TRAK1: variants seen among roughly 807,000 people sequenced by gnomAD.
TRAK1 encodes trafficking kinesin-binding protein 1.
TRAK1 carries 33 observed loss-of-function variants against 92.1 expected under a neutral mutation model. That is an observed-to-expected ratio of 0.36 (90% CI 0.27 to 0.48). The LOEUF (loss-of-function observed/expected upper bound fraction) is 0.48, where lower values mean the gene tolerates loss of function less well. Among genes scored for constraint, TRAK1 ranks in the 20% least tolerant of loss-of-function variants. The probability of loss-of-function intolerance (pLI) is 0.99; values close to 1 mark genes in which losing one functional copy is unlikely to be tolerated. For synonymous variants in TRAK1, 521 were observed against 517.3 expected, an observed-to-expected ratio of 1.01 and a Z score of -0.10; for missense variants, 1,123 against 1,257.9, an observed-to-expected ratio of 0.89 and a Z score of 1.62.
At chr3:42,071,896 A>C (rs1300303128) in intron 1 of TRAK1, among the ~76,000 whole-genome samples, 2 of 152,172 alleles carry the variant, frequency 1.3e-5, no homozygotes, top group Non-Finnish European at 2.9e-5. Context: ...CAGATTTCCA[A>C]CAGGGATTTG....
intron 1 of TRAK1, among the ~76,000 whole-genome samples, chr3:42,068,324 CT>C (rs1703769008): frequency 6.6e-6 from 1 of 152,070 alleles, no homozygotes; most frequent in African/African-American, 2.4e-5. Context: ...GTCCAGCTAA[CT>C]TTTTTTCTTT....
chr3:42,055,267 A>G (rs770349451), intron 1 of TRAK1, among the ~76,000 whole-genome samples: 1 of 152,150 alleles, frequency 6.6e-6, no homozygotes, highest in Non-Finnish European at 1.5e-5. Context: ...CAAGGATACA[A>G]AATAGTTCTG....
At chr3:42,151,306 G>T (rs1699920173) in intron 2 of TRAK1, 3 of 455,930 alleles carry the variant, frequency 6.6e-6, no homozygotes, top group South Asian at 4.7e-5. Flanking sequence ...TCTTATCTGG[G>T]TATCCATCAG....
At chr3:42,031,895 C>T (rs886251570) in intron 1 of TRAK1, among the ~76,000 whole-genome samples, 1 of 152,070 alleles carries the variant, frequency 6.6e-6, no homozygotes, top group Non-Finnish European at 1.5e-5. Context: ...ATCCAAGGCT[C>T]ATCATTATCA....
chr3:42,058,264 A>G (rs935621396), intron 1 of TRAK1, among the ~76,000 whole-genome samples: 2 of 152,188 alleles, frequency 1.3e-5, no homozygotes, highest in Non-Finnish European at 2.9e-5. Context: ...TTTGCCTTTA[A>G]ATTTCATTTT....
rs768671921 is a variant in TRAK1, at chr3:42,202,865, C to T, written c.1744+113C>T. ...GTCACGCCTACTCCTTTTTCTTCCG[C>T]GACAGCCACCCGCGCTGCTGGTTTG... is the stretch of plus-strand genomic sequence containing the variant. On this transcript the variant is annotated intron_variant, in intron 13 of 15. Coordinates refer to ENST00000327628, the MANE Select transcript of TRAK1 (RefSeq NM_001042646.3). This position sits in a 1 kb window ranked among gnomAD's most constrained non-coding sequence, Gnocchi z 6.1. The T allele has an allele frequency of 2.3e-5, 35 of 1,492,646 alleles. No individual in the cohort carries two copies. In the African/African-American group the frequency reaches 2.5e-4, roughly 11 times the overall value. 92.5% of individuals were successfully genotyped at this position (1,492,646 alleles called of 1,614,324 possible).
At chr3:42,015,414 G>T (rs1316608049) in intron 1 of TRAK1, among the ~76,000 whole-genome samples, 1 of 151,990 alleles carries the variant, frequency 6.6e-6, no homozygotes, top group Admixed American at 6.6e-5. Flanking sequence ...CCCAGCGCTC[G>T]CTTGAGGGTG....
chr3:42,184,092 C>G lies in TRAK1; in HGVS notation c.364-593C>G, dbSNP rs959674090. ...TTAAATGAAACCTAAGTAGCCTTTT[C>G]TAAGTAAAAAAACAGAAAAGCATGT... On this transcript the variant is annotated intron_variant, in intron 3 of 15. Coordinates refer to ENST00000327628, the MANE Select transcript of TRAK1 (RefSeq NM_001042646.3). Among the ~76,000 whole-genome samples the G allele has an allele frequency of 6.7e-5, 10 of 150,068 alleles. 1 individual carries two copies. The highest frequency in any genetic ancestry group is 1.7e-4 in the African/African-American group (7 of 41,258).
intron 1 of TRAK1, among the ~76,000 whole-genome samples, chr3:42,042,431 G>A (rs1327978199): frequency 6.6e-6 from 1 of 152,028 alleles, no homozygotes; most frequent in African/African-American, 2.4e-5. Context: ...GAGTGCAGTG[G>A]TGCAGTCTCA....
At chr3:42,219,395 C>T in intron 14 of TRAK1, 99 bp from the exon 15 acceptor site, 2 of 1,599,888 alleles carry the variant, frequency 1.3e-6, no homozygotes, top group Non-Finnish European at 1.7e-6. Context: ...AACAAGGTAG[C>T]TCATCACTTC....
In TRAK1 at chr3:42,016,032, A is replaced by G. The variant is rs148531419; in HGVS notation, c.-519+1915A>G. On this transcript the variant is annotated intron_variant, in intron 1 of 16. Coordinates refer to the TRAK1 transcript ENST00000487159. ...AGCCAGGGCGACAGAGCAAGACCCC[A>G]TCTCAAAAACAAAAACAAAAACAAA... 5.7e-4 allele frequency among the ~76,000 whole-genome samples: 87 copies of G among 152,180 alleles called. No homozygotes were observed. The East Asian group carries it at 7.0e-3, about 12-fold the overall frequency.
At position 42,184,715 on chromosome 3, in the gene TRAK1, A is replaced by T. The variant is rs993673811; in HGVS notation, c.394A>T (p.Ile132Phe). Residue 132 changes from isoleucine to phenylalanine, a missense_variant, in exon 4 of 16, where the codon ATC (isoleucine) becomes TTC (phenylalanine). Around this residue, in one of 3 missense-constraint regions of TRAK1, gnomAD observed 686 missense variants for 747.6 expected, o/e 0.92. Transcript: ENST00000327628. ...KERDLELAAR[I>F]GQSLLKKNKT... is the part of the protein sequence containing the mutation. The stretch of plus-strand genomic sequence containing the variant: ...GCGGGATTTAGAATTGGCCGCTCGC[A>T]TCGGCCAGTCGTTGTTGAAGAAGAA... 1 of 1,614,176 alleles carries T rather than the reference A, an allele frequency of 6.2e-7. No homozygotes were observed. Among genetic ancestry groups the T allele is most frequent in the Non-Finnish European group, 8.5e-7 (1 of 1,180,014 alleles).
chr3:42,063,316 C>T (rs898770238), intron 1 of TRAK1, among the ~76,000 whole-genome samples: 2 of 152,224 alleles, frequency 1.3e-5, no homozygotes, highest in Non-Finnish European at 1.5e-5. Context: ...AAGGAGCATC[C>T]GGGTTTTGTC....
At chr3:42,159,896 C>A (rs1281242004) in intron 2 of TRAK1, among the ~76,000 whole-genome samples, 1 of 152,220 alleles carries the variant, frequency 6.6e-6, no homozygotes, top group Admixed American at 6.5e-5. Flanking sequence ...AGCGCCCCAC[C>A]TTTAAACAGG....
chr3:42,157,489 A>AAAAAAAAAAG (rs1553739632), intron 2 of TRAK1, among the ~76,000 whole-genome samples: 16 of 144,828 alleles, frequency 1.1e-4, no homozygotes, highest in Non-Finnish European at 2.3e-4. Context: ...AAAAAAAAAA[A>AAAAAAAAAAG]GGTTAACATT....
chr3:42,031,192 T>C (rs1000965661), intron 1 of TRAK1, among the ~76,000 whole-genome samples: 1 of 148,542 alleles, frequency 6.7e-6, no homozygotes, highest in African/African-American at 2.5e-5. Flanking sequence ...TGTGCCACCA[T>C]GCCTGGCTAA....
intron 2 of TRAK1, among the ~76,000 whole-genome samples, chr3:42,170,087 C>T (rs778543223): frequency 6.6e-6 from 1 of 151,330 alleles, no homozygotes; most frequent in Non-Finnish European, 1.5e-5. Context: ...TGGCAGGGGA[C>T]GAGGCGGGAG....
intron 1 of TRAK1, among the ~76,000 whole-genome samples, chr3:42,116,164 C>G (rs1435686983): frequency 6.6e-6 from 1 of 152,364 alleles, no homozygotes. Flanking sequence ...CGCTACATCC[C>G]GAGGCCTCTT....
chr3:42,062,496 A>G (rs931874250), intron 1 of TRAK1, among the ~76,000 whole-genome samples: 1 of 152,204 alleles, frequency 6.6e-6, no homozygotes, highest in Admixed American at 6.5e-5. Context: ...CAGCTTAAAT[A>G]CAGCATGACT....
Sources: gnomAD v4.1 joint callset for allele counts (sites outside exome capture counted in the v4.1 genomes callset) on GRCh38, gnomAD v4.1.1 for gene constraint, gnomAD v4.1.1 regional missense constraint, Gnocchi (gnomAD v3.1) non-coding constraint, MANE v1.5 for transcripts, NCBI Gene and HGNC (gene_info 2026-07-23, HGNC 2026-07-21) for gene names.